Variants in DNAJC5B observed in about 807,000 individuals in gnomAD.
DNAJC5B encodes the protein dnaJ homolog subfamily C member 5B.
Under a neutral mutation model 24.7 loss-of-function variants are expected in DNAJC5B, and 23 were observed. That is an observed-to-expected ratio of 0.93 (90% confidence interval 0.67 to 1.32). DNAJC5B has a LOEUF of 1.32. DNAJC5B is among the 40% of genes most tolerant of loss of function. DNAJC5B has a pLI of 0.00. For missense variants in DNAJC5B, 238 were observed against 240.8 expected (o/e 0.99, Z 0.08); for synonymous variants, 101 against 90.1 (o/e 1.12, Z -0.68).
chr8:66,051,101 AC>A, intron 2 of DNAJC5B, among the ~76,000 whole-genome samples: 1 of 152,232 alleles, frequency 6.6e-6, no homozygotes, highest in East Asian at 1.9e-4. Context: ...TATAATTTGG[AC>A]AACATCCCCC....
Position 66,057,032 on chromosome 8 carries a change from G to C in DNAJC5B, c.119+5366G>C, listed in dbSNP as rs181549944. On this transcript the variant is annotated intron_variant, in intron 3 of 5. Transcript: ENST00000276570. ...CAGGCGCCTATAGTCCCAGCTACTC[G>C]GGAGGCTGAGGCAGGAGAAGGGCGT... The C allele has an allele frequency of 2.0e-5, 3 of 152,276 alleles. No homozygotes were observed. In the East Asian group the frequency reaches 5.8e-4, roughly 29 times the overall value. The allele number at this position is 152,276 out of a possible 1,614,324, so 9.4% of individuals were successfully genotyped here. A position where few individuals can be genotyped will look rare whatever the true frequency, so the allele number is the denominator to read the frequency against.
intron 2 of DNAJC5B, 103 bp from the exon 3 acceptor site, chr8:66,051,428 T>G: frequency 1.4e-6 from 1 of 723,450 alleles, no homozygotes; most frequent in East Asian, 2.5e-5. Flanking sequence ...ACACAAATAT[T>G]CTTCAAATTG....
chr8:66,017,649 A>G (rs578158434), upstream of DNAJC5B, among the ~76,000 whole-genome samples: 31 of 152,306 alleles, frequency 2.0e-4, no homozygotes, highest in African/African-American at 7.5e-4. Flanking sequence ...TATATGCCTT[A>G]CCTATTTTGT....
chr8:66,082,110 C>A (rs1807609120), intron 5 of DNAJC5B, among the ~76,000 whole-genome samples: 1 of 152,056 alleles, frequency 6.6e-6, no homozygotes, highest in South Asian at 2.1e-4. Context: ...GAAACTGTTA[C>A]AAGATTATGT....
intron 1 of DNAJC5B, among the ~76,000 whole-genome samples, chr8:66,027,957 T>C (rs1806281881): frequency 6.6e-6 from 1 of 152,218 alleles, no homozygotes; most frequent in Admixed American, 6.5e-5. Flanking sequence ...TTGGGCTCTT[T>C]AAGAGTTAAG....
chr8:66,083,075 G>T (rs1807637089), intron 5 of DNAJC5B, among the ~76,000 whole-genome samples: 1 of 135,986 alleles, frequency 7.4e-6, no homozygotes, highest in Admixed American at 8.1e-5. Flanking sequence ...GCAGTGGCAC[G>T]ATCTCGGCTC....
At chr8:66,052,846 A>G (rs1361681351) in intron 3 of DNAJC5B, among the ~76,000 whole-genome samples, 1 of 152,142 alleles carries the variant, frequency 6.6e-6, no homozygotes, top group African/African-American at 2.4e-5. Context: ...AGATGTGTGG[A>G]CCTTAACCAC....
intron 3 of DNAJC5B, among the ~76,000 whole-genome samples, chr8:66,058,845 C>A (rs113899454): frequency 1.3e-5 from 2 of 152,162 alleles, no homozygotes; most frequent in African/African-American, 4.8e-5. Context: ...CTGTGCCAAT[C>A]CATCAGGTAT....
At position 66,099,842 on chromosome 8, in the gene DNAJC5B, C is replaced by G. The variant is rs115255577; in HGVS notation, c.506-95C>G. On this transcript the variant is annotated intron_variant, in intron 5 of 5. Transcript: ENST00000276570. ...TATCTTATGAATTGAGTTGATTTGC[C>G]AGTCATGAATTCAACAAAAATACCT... 1,868 of 1,033,900 alleles carry G rather than the reference C, an allele frequency of 1.8e-3. 25 individuals are homozygous for G. The African/African-American group carries it at 0.027, about 15-fold the overall frequency. 64.0% of individuals were successfully genotyped at this position (1,033,900 alleles called of 1,614,324 possible).
chr8:66,078,828 C>CA (rs1456823438), intron 4 of DNAJC5B, among the ~76,000 whole-genome samples: 3 of 152,248 alleles, frequency 2.0e-5, no homozygotes, highest in Admixed American at 2.0e-4. Context: ...AACCTGGGGC[C>CA]AGAATCAGAG....
intron 5 of DNAJC5B, among the ~76,000 whole-genome samples, chr8:66,083,775 T>TA (rs1459199997): frequency 6.6e-6 from 1 of 152,216 alleles, no homozygotes; most frequent in Non-Finnish European, 1.5e-5. Flanking sequence ...CGTATCCCAC[T>TA]AAATTAAACT....
At chr8:66,049,552 T>A (rs1806800165) in intron 2 of DNAJC5B, among the ~76,000 whole-genome samples, 1 of 152,216 alleles carries the variant, frequency 6.6e-6, no homozygotes, top group African/African-American at 2.4e-5. Flanking sequence ...AGCCTTGGTG[T>A]GTAGTAGGCT....
At chr8:66,049,736 A>G (rs984277385) in intron 2 of DNAJC5B, among the ~76,000 whole-genome samples, 3 of 152,218 alleles carry the variant, frequency 2.0e-5, no homozygotes, top group Admixed American at 1.3e-4. Context: ...AGTAACCTGT[A>G]TATCTCTTTC....
intron 3 of DNAJC5B, among the ~76,000 whole-genome samples, chr8:66,053,565 C>CT (rs970843316): frequency 1.5e-4 from 23 of 149,650 alleles, no homozygotes; most frequent in African/African-American, 3.4e-4. Context: ...TCCTTCTAGT[C>CT]TTTTTTTTTC....
chr8:66,034,684 G>A (rs570650615), intron 1 of DNAJC5B, among the ~76,000 whole-genome samples: 10 of 151,736 alleles, frequency 6.6e-5, no homozygotes, highest in Non-Finnish European at 1.5e-4. Context: ...TCACAAGGTT[G>A]GAATGGAGAG....
intron 1 of DNAJC5B, among the ~76,000 whole-genome samples, chr8:66,042,407 A>G (rs1248365643): frequency 6.6e-6 from 1 of 152,228 alleles, no homozygotes; most frequent in Non-Finnish European, 1.5e-5. Context: ...GACTTTTACT[A>G]AAAGTATTTC....
At chr8:66,069,040 A>C (rs1807287520) in intron 3 of DNAJC5B, among the ~76,000 whole-genome samples, 1 of 152,084 alleles carries the variant, frequency 6.6e-6, no homozygotes, top group South Asian at 2.1e-4. Context: ...GAAAACTGTG[A>C]ATTAATCCCC....
chr8:66,020,748 C>G (rs1388677369), upstream of DNAJC5B, among the ~76,000 whole-genome samples: 6 of 152,018 alleles, frequency 3.9e-5, no homozygotes, highest in Admixed American at 2.0e-4. Flanking sequence ...AGCGATCATC[C>G]CCTGTCAGCC....
intron 5 of DNAJC5B, among the ~76,000 whole-genome samples, chr8:66,092,832 T>C (rs1450917865): frequency 6.6e-6 from 1 of 152,216 alleles, no homozygotes; most frequent in African/African-American, 2.4e-5. Flanking sequence ...TTTCAACTTT[T>C]ATTTTAGATT....
Sources: allele counts gnomAD v4.1 joint callset (sites outside exome capture counted in the v4.1 genomes callset), GRCh38; gene constraint gnomAD v4.1.1; transcripts MANE v1.5; gene names NCBI Gene and HGNC (gene_info 2026-07-23, HGNC 2026-07-21).